TOP1MT: variants seen among roughly 807,000 people sequenced by gnomAD.
The protein encoded by TOP1MT is DNA topoisomerase I mitochondrial.
TOP1MT carries 80 observed loss-of-function variants against 73.9 expected under a neutral mutation model. The ratio of observed to expected loss-of-function variants is 1.08; its 90% confidence interval spans 0.90 to 1.30. The LOEUF is 1.30. Ranked by LOEUF, TOP1MT falls within the 50% of genes most tolerant of loss-of-function variation. TOP1MT has a pLI of 0.00. For synonymous variants in TOP1MT, 338 were observed against 326.4 expected, an observed-to-expected ratio of 1.04 and a Z score of -0.38; for missense variants, 815 against 808.0, an observed-to-expected ratio of 1.01 and a Z score of -0.10.
At chr8:143,314,827 C>G (rs1048784349) in intron 12 of TOP1MT, among the ~76,000 whole-genome samples, 2 of 152,166 alleles carry the variant, frequency 1.3e-5, no homozygotes, top group East Asian at 1.9e-4. Context: ...TAGTTGGTAG[C>G]AATTACTCTT....
At chr8:143,345,367 A>G (rs1368027127), upstream of TOP1MT, among the ~76,000 whole-genome samples, 2 of 152,218 alleles carry the variant, frequency 1.3e-5, no homozygotes, top group Non-Finnish European at 2.9e-5. Flanking sequence ...AAAAGGTCTG[A>G]ACCAGCACTG....
At chr8:143,325,643 G>T (rs1317921222) in intron 4 of TOP1MT, 110 bp from the exon 5 acceptor site, 1 of 1,012,382 alleles carries the variant, frequency 9.9e-7, no homozygotes. Flanking sequence ...AACTCAGCTG[G>T]ACCCTCAAAG....
intron 7 of TOP1MT, among the ~76,000 whole-genome samples, chr8:143,321,983 G>T (rs1337486375): frequency 2.6e-5 from 1 of 38,668 alleles, no homozygotes; most frequent in African/African-American, 7.7e-5. Flanking sequence ...CCACACGCAC[G>T]CCACACACAT....
intron 12 of TOP1MT, chr8:143,310,468 G>T (rs931652459): frequency 5.3e-6 from 2 of 378,516 alleles, no homozygotes; most frequent in Non-Finnish European, 9.4e-6. Flanking sequence ...TGACTCGCAG[G>T]AGGGTGAGAT....
At chr8:143,317,877 G>A (rs201321445) in intron 9 of TOP1MT, 40 bp from the exon 10 acceptor site, 62 of 1,606,846 alleles carry the variant, frequency 3.9e-5, no homozygotes, top group Middle Eastern at 1.7e-4. Context: ...GTGGTTTTGC[G>A]GGGCCGTCCC....
chr8:143,309,554 C>G lies in TOP1MT; in HGVS notation c.1704-11G>C. 6.2e-7 allele frequency: 1 copy of G among 1,613,384 alleles called. No individual in the cohort carries two copies. Reference sequence around the variant, plus strand: ...CTGAACCGCTTGCACCTGCGGGAGGCAGCATCAGCCCAGGCAAGCAGGCAA... The same window carrying G: ...CTGAACCGCTTGCACCTGCGGGAGGGAGCATCAGCCCAGGCAAGCAGGCAA... On this transcript the variant is annotated splice_polypyrimidine_tract_variant and intron_variant, in intron 13 of 13. Coordinates refer to ENST00000329245, the MANE Select transcript of TOP1MT (RefSeq NM_052963.3).
upstream of TOP1MT, among the ~76,000 whole-genome samples, chr8:143,346,453 A>G (rs1437185496): frequency 2.0e-5 from 3 of 152,204 alleles, no homozygotes; most frequent in Non-Finnish European, 4.4e-5. Context: ...TTAAAAAAAG[A>G]TATATTTTAA....
At chr8:143,312,351 G>A (rs1320647564) in intron 12 of TOP1MT, among the ~76,000 whole-genome samples, 1 of 152,086 alleles carries the variant, frequency 6.6e-6, no homozygotes, top group East Asian at 1.9e-4. Flanking sequence ...TCCAGCAATA[G>A]ACAAAAATGA....
intron 7 of TOP1MT, 81 bp downstream of exon 7, chr8:143,323,918 G>A (rs1484460318): frequency 2.2e-5 from 33 of 1,533,410 alleles, no homozygotes; most frequent in African/African-American, 2.8e-5. Flanking sequence ...GGCCCACGTC[G>A]CCACACTGCA....
intron 12 of TOP1MT, 180 bp from the exon 13 acceptor site, chr8:143,310,397 C>A: frequency 1.9e-6 from 1 of 519,536 alleles, no homozygotes; most frequent in Non-Finnish European, 3.3e-6. Context: ...AGCCCCACCC[C>A]AGCTGCCAAG....
chr8:143,359,186 T>C (rs1390947313), upstream of TOP1MT: 5 of 978,706 alleles, frequency 5.1e-6, no homozygotes, highest in African/African-American at 1.8e-5. Context: ...CCCCTGAAAA[T>C]AGCCTGTTCT....
At chr8:143,323,335 ACGC>A in intron 7 of TOP1MT, among the ~76,000 whole-genome samples, 1 of 120,254 alleles carries the variant, frequency 8.3e-6, no homozygotes, top group East Asian at 2.8e-4. Context: ...ACACACATGC[ACGC>A]CACACACATG....
Position 143,317,397 on chromosome 8 carries a change from G to A in TOP1MT, c.1330+326C>T, listed in dbSNP as rs935618047. The stretch of plus-strand genomic sequence containing the variant: ...GGACAGAACCACTGGAAAGTGCAGA[G>A]GCCTCCTGGGCCTTCAAGAAAGAAC... On this transcript the variant is annotated intron_variant, in intron 10 of 13. Coordinates refer to ENST00000329245, the MANE Select transcript of TOP1MT (RefSeq NM_052963.3). 7.2e-5 allele frequency among the ~76,000 whole-genome samples: 11 copies of A among 152,224 alleles called. 1 individual carries two copies. The highest frequency in any genetic ancestry group is 7.2e-4 in the Admixed American group (11 of 15,288).
chr8:143,347,831 T>C (rs1817254672), upstream of TOP1MT, among the ~76,000 whole-genome samples: 1 of 152,164 alleles, frequency 6.6e-6, no homozygotes. Context: ...ACCACCGCTT[T>C]GAGCCCCACA....
intron 7 of TOP1MT, among the ~76,000 whole-genome samples, chr8:143,322,662 GCACGCCACA>G (rs1563759824): frequency 2.8e-5 from 2 of 72,108 alleles, no homozygotes; most frequent in African/African-American, 6.0e-5. Flanking sequence ...CACCACACAC[GCACGCCACA>G]CACGCACGCC....
At chr8:143,318,344 C>T (rs996594924) in intron 8 of TOP1MT, among the ~76,000 whole-genome samples, 2 of 152,196 alleles carry the variant, frequency 1.3e-5, no homozygotes, top group East Asian at 1.9e-4. Context: ...CCTGGGTGAC[C>T]GCGGCAGGTG....
intron 7 of TOP1MT, among the ~76,000 whole-genome samples, chr8:143,321,902 A>ACACACACACAGGCATGC (rs1816415151): frequency 3.4e-5 from 1 of 29,480 alleles, no homozygotes; most frequent in Non-Finnish European, 6.9e-5. Flanking sequence ...CAGGCACGCC[A>ACACACACACAGGCATGC]CACACACAGG....
At chr8:143,332,265 G>A (rs1816877911) in intron 1 of TOP1MT, among the ~76,000 whole-genome samples, 1 of 152,248 alleles carries the variant, frequency 6.6e-6, no homozygotes, top group Non-Finnish European at 1.5e-5. Context: ...TGGGAGAAGA[G>A]GAGCGAGATG....
chr8:143,326,179 C>T, intron 4 of TOP1MT, 43 bp downstream of exon 4: 3 of 1,607,324 alleles, frequency 1.9e-6, no homozygotes, highest in Non-Finnish European at 2.6e-6. Context: ...CCTCTCGTTC[C>T]CAGGGGCCAC....
Sources: gnomAD v4.1 joint callset for allele counts (sites outside exome capture counted in the v4.1 genomes callset) on GRCh38, gnomAD v4.1.1 for gene constraint, MANE v1.5 for transcripts, NCBI Gene and HGNC (gene_info 2026-07-23, HGNC 2026-07-21) for gene names.